The following TUSC3 variants were observed in gnomAD, a reference collection of about 807,000 sequenced individuals.
TUSC3 encodes the protein dolichyl-diphosphooligosaccharide--protein glycosyltransferase subunit TUSC3.
Under a neutral mutation model 44.8 loss-of-function variants are expected in TUSC3, and 45 were observed. The ratio of observed to expected loss-of-function variants is 1.00; its 90% CI spans 0.79 to 1.29. TUSC3 has a LOEUF of 1.29. TUSC3 is among the 50% of genes most tolerant of loss of function. The pLI is 0.00. For missense variants in TUSC3, 519 were observed against 437.9 expected (o/e 1.19, Z -1.65); for synonymous variants, 212 against 152.9 (o/e 1.39, Z -2.85).
At chr8:15,513,658 T>G (rs917513170) in intron 2 of TUSC3, among the ~76,000 whole-genome samples, 1 of 152,150 alleles carries the variant, frequency 6.6e-6, no homozygotes, top group African/African-American at 2.4e-5. Flanking sequence ...TCATCTTAGA[T>G]AAATGAGTTA....
At chr8:15,672,100 T>C (rs1807973869) in intron 5 of TUSC3, among the ~76,000 whole-genome samples, 1 of 151,996 alleles carries the variant, frequency 6.6e-6, no homozygotes, top group South Asian at 2.1e-4. Context: ...ATGCAGGCAT[T>C]ACCATCATGG....
the TUSC3 span, among the ~76,000 whole-genome samples, chr8:15,827,082 C>A: frequency 3.3e-5 from 5 of 152,140 alleles, no homozygotes; most frequent in Non-Finnish European, 5.9e-5. Flanking sequence ...ACATTAGCAT[C>A]CTATTTCTAG....
At chr8:15,755,167 G>A (rs988030845) in intron 9 of TUSC3, among the ~76,000 whole-genome samples, 1 of 152,064 alleles carries the variant, frequency 6.6e-6, no homozygotes, top group African/African-American at 2.4e-5. Context: ...GGAATACCCA[G>A]CCTGCTCGTT....
At chr8:15,774,619 A>G in the TUSC3 span, among the ~76,000 whole-genome samples, 1 of 152,146 alleles carries the variant, frequency 6.6e-6, no homozygotes, top group Non-Finnish European at 1.5e-5. Context: ...TAACCCATCC[A>G]TTTTGTGGTA....
chr8:15,675,753 T>C (rs1301626374), intron 6 of TUSC3, among the ~76,000 whole-genome samples: 1 of 152,162 alleles, frequency 6.6e-6, no homozygotes. Context: ...TCCATATTGC[T>C]GCAAAGGACA....
chr8:15,497,627 T>C (rs886188544), intron 2 of TUSC3, among the ~76,000 whole-genome samples: 9 of 152,128 alleles, frequency 5.9e-5, no homozygotes, highest in Non-Finnish European at 1.5e-5. Flanking sequence ...TATAGACAAT[T>C]ATGTTGTGGA....
the TUSC3 span, among the ~76,000 whole-genome samples, chr8:15,842,974 T>A: frequency 1.3e-5 from 2 of 152,174 alleles, no homozygotes; most frequent in South Asian, 4.1e-4. Context: ...TAACCATGAA[T>A]GATTATTGTT....
At chr8:15,418,194 G>A (rs1224673380) in intron 1 of TUSC3, among the ~76,000 whole-genome samples, 1 of 152,180 alleles carries the variant, frequency 6.6e-6, no homozygotes, top group Admixed American at 6.5e-5. Context: ...TGTGTTTGGG[G>A]CTTTTGTGGG....
chr8:15,673,185 T>C (rs1808025737), intron 5 of TUSC3, among the ~76,000 whole-genome samples: 2 of 152,236 alleles, frequency 1.3e-5, no homozygotes, highest in Admixed American at 6.6e-5. Context: ...AGGTATATAA[T>C]CTTTGCGAGT....
At chr8:15,682,241 T>A (rs749026035) in intron 6 of TUSC3, among the ~76,000 whole-genome samples, 6 of 152,188 alleles carry the variant, frequency 3.9e-5, no homozygotes, top group Non-Finnish European at 7.4e-5. Flanking sequence ...ATCTGTCTAA[T>A]GCTGTGAGTG....
In TUSC3 at chr8:15,587,909, A is replaced by G. The variant is rs78385037; in HGVS notation, c.139-35171A>G. Among the ~76,000 whole-genome samples the G allele has an allele frequency of 1.7e-3, 253 of 152,288 alleles. 9 individuals carry two copies. The East Asian group carries it at 0.045, about 27-fold the overall frequency. On this transcript the variant is annotated intron_variant, in intron 1 of 10. Coordinates refer to ENST00000503731, the MANE Select transcript of TUSC3 (RefSeq NM_006765.4). ...CTAATGACAGGATTTCATCTTTAATAGCTAAATAATATTCTATTATATATA... is the reference window on the plus strand; with the variant it reads ...CTAATGACAGGATTTCATCTTTAATGGCTAAATAATATTCTATTATATATA...
chr8:15,562,801 C>A (rs1026609149), intron 1 of TUSC3, among the ~76,000 whole-genome samples: 1 of 152,104 alleles, frequency 6.6e-6, no homozygotes, highest in Non-Finnish European at 1.5e-5. Flanking sequence ...TGCTTTATTC[C>A]AGATCACTAG....
At chr8:15,621,530 A>G (rs928718722) in intron 1 of TUSC3, among the ~76,000 whole-genome samples, 18 of 147,860 alleles carry the variant, frequency 1.2e-4, no homozygotes, top group Non-Finnish European at 2.5e-4. Context: ...ATATATATAT[A>G]TATATAAAGT....
intron 1 of TUSC3, among the ~76,000 whole-genome samples, chr8:15,592,986 G>T (rs747359556): frequency 9.9e-5 from 15 of 152,188 alleles, no homozygotes; most frequent in Non-Finnish European, 2.1e-4. Context: ...AATTTTGAGT[G>T]TGAGGAAAGG....
chr8:15,583,816 T>A (rs1803480001), intron 1 of TUSC3, among the ~76,000 whole-genome samples: 1 of 152,214 alleles, frequency 6.6e-6, no homozygotes, highest in African/African-American at 2.4e-5. Context: ...AAGCCATTTA[T>A]GTATATCCTA....
rs1173205319 is a variant in TUSC3 at position 15,764,333 on chromosome 8, C to CT, written c.*184dup. ...TGATCAGCTAGCTTATTCTTGTGTA[C>CT]TTTTTTTAAACTGTGGGTTTTCCTA... On this transcript the variant is annotated 3_prime_UTR_variant, in exon 11 of 11. Transcript: ENST00000503731. 9.5e-6 allele frequency: 11 copies of CT among 1,159,900 alleles called. No individual in the cohort carries two copies. The highest frequency in any genetic ancestry group is 2.1e-4 in the Middle Eastern group (1 of 4,652). 71.9% of individuals were successfully genotyped at this position (1,159,900 alleles called of 1,614,324 possible).
At chr8:15,611,130 C>T (rs933868630) in intron 1 of TUSC3, among the ~76,000 whole-genome samples, 19 of 148,736 alleles carry the variant, frequency 1.3e-4, no homozygotes, top group East Asian at 1.9e-4. Flanking sequence ...TACAGTATTT[C>T]TTTCTTTAAT....
intron 2 of TUSC3, among the ~76,000 whole-genome samples, chr8:15,517,737 T>C (rs533015757): frequency 6.6e-6 from 1 of 152,178 alleles, no homozygotes; most frequent in South Asian, 2.1e-4. Flanking sequence ...TTCAATTACA[T>C]ATTTCTGGGC....
chr8:15,549,670 G>A (rs1033360722), intron 1 of TUSC3, among the ~76,000 whole-genome samples: 3 of 151,612 alleles, frequency 2.0e-5, no homozygotes, highest in African/African-American at 7.3e-5. Context: ...AAGGGAGAAT[G>A]CTGATTGGTC....
Sources: allele counts gnomAD v4.1 joint callset (sites outside exome capture counted in the v4.1 genomes callset), GRCh38; gene constraint gnomAD v4.1.1; transcripts MANE v1.5; gene names NCBI Gene and HGNC (gene_info 2026-07-23, HGNC 2026-07-21).